IFIH1: variants seen among roughly 807,000 people sequenced by gnomAD.
IFIH1 encodes the protein interferon-induced helicase C domain-containing protein 1.
In IFIH1, 125 loss-of-function variants were observed where a neutral mutation model predicts 107.4. The observed-to-expected ratio is 1.16, with a 90% CI of 1.01 to 1.35. The LOEUF (loss-of-function observed/expected upper bound fraction) is 1.35, where lower values mean the gene tolerates loss of function less well. Ranked by LOEUF, IFIH1 falls within the 40% of genes most tolerant of loss-of-function variation. IFIH1 has a pLI of 0.00. For missense variants in IFIH1, 1,333 were observed against 1,213.7 expected, an observed-to-expected ratio of 1.10 and a Z score of -1.46; for synonymous variants, 458 against 413.2, an observed-to-expected ratio of 1.11 and a Z score of -1.31.
intron 4 of IFIH1, among the ~76,000 whole-genome samples, chr2:162,288,655 G>A (rs1165812792): frequency 2.6e-5 from 4 of 151,812 alleles, no homozygotes; most frequent in African/African-American, 9.7e-5. Flanking sequence ...AAGCCAAGGC[G>A]AATTTGTAGA....
At position 162,281,561 on chromosome 2, in the gene IFIH1, A is replaced by G; in HGVS notation, c.1307-16T>C. The G allele has an allele frequency of 6.4e-7, 1 of 1,568,288 alleles. No individual in the cohort carries two copies. Among genetic ancestry groups the G allele is most frequent in the Non-Finnish European group, 8.7e-7 (1 of 1,144,026 alleles). On this transcript the variant is annotated splice_polypyrimidine_tract_variant and intron_variant, in intron 6 of 15. Coordinates refer to ENST00000649979, the MANE Select transcript of IFIH1 (RefSeq NM_022168.4). ...AGGGAAAAGTCTTAAAAGAAAATTCAAAGAGTTCATTTCTCCATATCAGCA... is the reference window on the plus strand; with the variant it reads ...AGGGAAAAGTCTTAAAAGAAAATTCGAAGAGTTCATTTCTCCATATCAGCA...
intron 10 of IFIH1, 58 bp downstream of exon 10, chr2:162,277,357 T>C: frequency 8.3e-7 from 1 of 1,203,516 alleles, no homozygotes; most frequent in Non-Finnish European, 1.2e-6. Flanking sequence ...TGAGAAGCAG[T>C]AAGTTCATGT....
chr2:162,269,452 G>A lies in IFIH1; in HGVS notation c.2617-1175C>T, dbSNP rs80180903. Among the ~76,000 whole-genome samples the A allele has an allele frequency of 4.9e-3, 750 of 152,298 alleles. 37 individuals carry two copies. In the East Asian group the frequency reaches 0.12, roughly 25 times the overall value. On this transcript the variant is annotated intron_variant, in intron 13 of 15. Coordinates refer to ENST00000649979, the MANE Select transcript of IFIH1 (RefSeq NM_022168.4). ...AATACTGCCTAGATTCCTTCTGTGA[G>A]AGAATATGCCCATCAACCTCTTTAT...
At chr2:162,293,712 G>T in intron 3 of IFIH1, 44 bp from the exon 4 acceptor site, 4 of 1,345,722 alleles carry the variant, frequency 3.0e-6, no homozygotes, top group Non-Finnish European at 4.2e-6. Context: ...ATATTTCTGA[G>T]AATAAACGTA....
At chr2:162,269,360 A>G (rs1188386949) in intron 13 of IFIH1, among the ~76,000 whole-genome samples, 2 of 152,180 alleles carry the variant, frequency 1.3e-5, no homozygotes, top group Non-Finnish European at 1.5e-5. Flanking sequence ...ATGAGAATGA[A>G]AGCCCAATGC....
intron 1 of IFIH1, among the ~76,000 whole-genome samples, chr2:162,312,277 A>T (rs2105231718): frequency 6.6e-6 from 1 of 152,322 alleles, no homozygotes. Flanking sequence ...AAGCACATAC[A>T]GCATGGTCTC....
chr2:162,277,295 A>G (rs1682708983), intron 10 of IFIH1, 120 bp downstream of exon 10: 1 of 720,088 alleles, frequency 1.4e-6, no homozygotes, highest in South Asian at 1.9e-5. Flanking sequence ...AATAGTTCCA[A>G]TCTGAGTGGG....
In IFIH1 at chr2:162,318,149, G is replaced by A; in HGVS notation, c.159C>T (p.Ser53=). 1.2e-6 allele frequency: 2 copies of A among 1,614,164 alleles called. No individual in the cohort carries two copies. Among genetic ancestry groups the A allele is most frequent in the Non-Finnish European group, 1.7e-6 (2 of 1,180,040 alleles). The part of the protein sequence containing the change: ...KEQIQRTVAT[S]GNMQAVELLL... ...GCAGTTCAACTGCCTGCATGTTCCCGGAGGTGGCGACTGTCCTCTGAATCT... is the reference window on the plus strand; with the variant it reads ...GCAGTTCAACTGCCTGCATGTTCCCAGAGGTGGCGACTGTCCTCTGAATCT... The change falls in exon 1 of 16, where the codon TCC becomes TCT. Residue 53 remains serine (S), a synonymous_variant. Transcript: ENST00000649979.
rs957068367 is a variant in IFIH1, at chr2:162,318,082, T to A, written c.226A>T (p.Thr76Ser). 1.2e-6 allele frequency: 2 copies of A among 1,614,034 alleles called. No individual in the cohort carries two copies. The highest frequency in any genetic ancestry group is 2.7e-5 in the African/African-American group (2 of 74,990). Residue 76 changes from threonine (T) to serine (S), a missense_variant, in exon 1 of 16, where the codon ACT becomes TCT. Thr to Ser is a moderately conservative substitution (Grantham distance 58). Coordinates refer to ENST00000649979, the MANE Select transcript of IFIH1 (RefSeq NM_022168.4). ...CGGAGGGCCTCCACGAATTCCCGAG[T>A]CCAACCAAGGTGCCAGACTCCCTTC... The part of the protein sequence containing the change: ...LEKGVWHLGW[T>S]REFVEALRRT...
rs746498320 is a variant in IFIH1, at chr2:162,276,650, A to G, written c.2304+37T>C. Reference sequence around the variant, plus strand: ...AAGAGAAGAGAAGAAGAAAAGAGAAAGAAAAGAAAAGAAGTCGTCCAAAAG... The same window carrying G: ...AAGAGAAGAGAAGAAGAAAAGAGAAGGAAAAGAAAAGAAGTCGTCCAAAAG... On this transcript the variant is annotated intron_variant, in intron 11 of 15. Coordinates refer to ENST00000649979, the MANE Select transcript of IFIH1 (RefSeq NM_022168.4). 4.5e-6 allele frequency: 7 copies of G among 1,566,876 alleles called. No homozygotes were observed. In the Admixed American group the frequency reaches 1.0e-4, roughly 23 times the overall value.
intron 1 of IFIH1, among the ~76,000 whole-genome samples, chr2:162,312,712 T>C (rs1359067664): frequency 1.3e-5 from 2 of 152,198 alleles, no homozygotes; most frequent in Non-Finnish European, 2.9e-5. Flanking sequence ...TAATGGAAAT[T>C]CTTTGGCTTC....
intron 3 of IFIH1, among the ~76,000 whole-genome samples, chr2:162,300,708 T>A (rs549221669): frequency 1.3e-5 from 2 of 152,248 alleles, no homozygotes; most frequent in African/African-American, 4.8e-5. Flanking sequence ...AGTAAAGGAG[T>A]GCTCTTACTT....
At chr2:162,296,831 T>C (rs1309331525) in intron 3 of IFIH1, among the ~76,000 whole-genome samples, 1 of 152,068 alleles carries the variant, frequency 6.6e-6, no homozygotes, top group Non-Finnish European at 1.5e-5. Flanking sequence ...TGCACTCAAA[T>C]AAAAAGAACA....
chr2:162,313,367 C>T (rs999166618), intron 1 of IFIH1, among the ~76,000 whole-genome samples: 3 of 152,148 alleles, frequency 2.0e-5, no homozygotes, highest in South Asian at 2.1e-4. Flanking sequence ...CTCCCCCACT[C>T]GAAGTTTTCT....
intron 1 of IFIH1, among the ~76,000 whole-genome samples, chr2:162,316,868 A>C (rs1254747443): frequency 6.6e-6 from 1 of 152,244 alleles, no homozygotes; most frequent in African/African-American, 2.4e-5. Context: ...TAAAGTCATC[A>C]GTAAAATTCG....
chr2:162,311,454 A>G (rs1444043118), intron 1 of IFIH1, among the ~76,000 whole-genome samples: 3 of 151,760 alleles, frequency 2.0e-5, no homozygotes, highest in Non-Finnish European at 4.4e-5. Flanking sequence ...ATTTTTTCCT[A>G]TGTAATATTT....
intron 1 of IFIH1, among the ~76,000 whole-genome samples, chr2:162,315,157 C>T (rs2105234808): frequency 6.6e-6 from 1 of 152,286 alleles, no homozygotes; most frequent in South Asian, 2.1e-4. Context: ...TAGTTAAATG[C>T]TATTTTAAGC....
intron 6 of IFIH1, 47 bp downstream of exon 6, chr2:162,282,319 T>C: frequency 4.2e-6 from 5 of 1,201,726 alleles, no homozygotes; most frequent in South Asian, 2.9e-5. Context: ...TTTGTTATCA[T>C]CAATATTACT....
Position 162,276,856 on chromosome 2 carries a change from T to C in IFIH1, c.2135A>G (p.Tyr712Cys), listed in dbSNP as rs1227218763. 6.2e-7 allele frequency: 1 copy of C among 1,613,854 alleles called. No individual in the cohort carries two copies. The highest frequency in any genetic ancestry group is 8.5e-7 in the Non-Finnish European group (1 of 1,179,802). ...TKLRNTIMEQ[Y>C]TRTEESARGI... ...TCGTGCTGATTCCTCAGTCCTAGTATATTGCTCCATTATGGTATTTCTTAA... is the reference window on the plus strand; with the variant it reads ...TCGTGCTGATTCCTCAGTCCTAGTACATTGCTCCATTATGGTATTTCTTAA... Residue 712 changes from tyrosine to cysteine, a missense_variant, in exon 11 of 16, where the codon TAT becomes TGT. Tyr to Cys is a radical substitution (Grantham distance 194). Transcript: ENST00000649979.
Sources: gnomAD v4.1 joint callset for allele counts (sites outside exome capture counted in the v4.1 genomes callset) on GRCh38, gnomAD v4.1.1 for gene constraint, MANE v1.5 for transcripts, NCBI Gene and HGNC (gene_info 2026-07-23, HGNC 2026-07-21) for gene names.